ARID4B: variants seen among roughly 807,000 people sequenced by gnomAD.
ARID4B encodes AT-rich interactive domain-containing protein 4B.
ARID4B carries 26 observed loss-of-function variants against 147.5 expected under a neutral mutation model. That is an observed-to-expected ratio of 0.18 (90% CI 0.13 to 0.24). The LOEUF is 0.24. Ranked by LOEUF, ARID4B falls within the 10% of genes least tolerant of loss-of-function variation. The pLI is 1.00. For missense variants in ARID4B, 1,179 were observed against 1,511.5 expected (o/e 0.78, Z 3.65); for synonymous variants, 512 against 507.9 (o/e 1.01, Z -0.11).
intron 23 of ARID4B, among the ~76,000 whole-genome samples, chr1:235,170,535 G>A (rs942564832): frequency 8.6e-5 from 13 of 152,034 alleles, no homozygotes; most frequent in African/African-American, 3.1e-4. Flanking sequence ...TCAGGAGATC[G>A]AGACCATCCT....
At chr1:235,299,700 T>C (rs956760778) in intron 2 of ARID4B, among the ~76,000 whole-genome samples, 3 of 152,194 alleles carry the variant, frequency 2.0e-5, no homozygotes, top group African/African-American at 7.2e-5. Context: ...AGCAGTTCTC[T>C]GGAAAAGAAC....
intron 19 of ARID4B, among the ~76,000 whole-genome samples, chr1:235,184,851 C>T (rs1485781433): frequency 1.3e-5 from 2 of 152,162 alleles, no homozygotes; most frequent in Non-Finnish European, 2.9e-5. Context: ...GAATCTCACT[C>T]TGTCACCCAG....
intron 7 of ARID4B, among the ~76,000 whole-genome samples, chr1:235,242,509 T>C (rs1669053576): frequency 6.6e-6 from 1 of 152,194 alleles, no homozygotes; most frequent in Non-Finnish European, 1.5e-5. Context: ...TCATAATTAC[T>C]GCTTTCTCAA....
At chr1:235,307,034 A>G (rs901329233) in intron 2 of ARID4B, among the ~76,000 whole-genome samples, 17 of 152,214 alleles carry the variant, frequency 1.1e-4, no homozygotes, top group African/African-American at 3.4e-4. Flanking sequence ...CAGAAAAACT[A>G]CAATTGGAAA....
intron 2 of ARID4B, among the ~76,000 whole-genome samples, chr1:235,272,896 G>A (rs1445005029): frequency 6.6e-6 from 1 of 152,110 alleles, no homozygotes; most frequent in Admixed American, 6.5e-5. Context: ...GACAGAAGCA[G>A]TTCAAGAATA....
At chr1:235,310,454 C>T (rs892552545) in intron 2 of ARID4B, among the ~76,000 whole-genome samples, 6 of 152,194 alleles carry the variant, frequency 3.9e-5, no homozygotes, top group African/African-American at 1.4e-4. Context: ...AATCACTCAA[C>T]ATCTTTACAC....
intron 9 of ARID4B, 43 bp downstream of exon 9, chr1:235,234,369 TA>T: frequency 8.1e-7 from 1 of 1,239,638 alleles, no homozygotes; most frequent in Non-Finnish European, 1.2e-6. Context: ...AATAACAGCA[TA>T]TATTTATAAA....
At chr1:235,236,852 A>ATATATATGTG (rs1668624814) in intron 8 of ARID4B, among the ~76,000 whole-genome samples, 4 of 38,072 alleles carry the variant, frequency 1.1e-4, no homozygotes, top group East Asian at 1.5e-3. Context: ...ATATATATAT[A>ATATATATGTG]TATATATATA....
At chr1:235,279,980 T>C (rs916570560) in intron 2 of ARID4B, among the ~76,000 whole-genome samples, 8 of 152,214 alleles carry the variant, frequency 5.3e-5, no homozygotes, top group African/African-American at 1.9e-4. Context: ...TCTTTTCCTT[T>C]TGCTGATAAT....
intron 2 of ARID4B, among the ~76,000 whole-genome samples, chr1:235,306,692 G>A (rs1198163564): frequency 6.6e-6 from 1 of 151,880 alleles, no homozygotes; most frequent in Non-Finnish European, 1.5e-5. Context: ...CTCTCCCTCT[G>A]TCGCCCAGGC....
intron 23 of ARID4B, among the ~76,000 whole-genome samples, chr1:235,170,496 T>A (rs1453579695): frequency 6.6e-6 from 1 of 152,060 alleles, no homozygotes; most frequent in African/African-American, 2.4e-5. Flanking sequence ...CCCAGCACTT[T>A]GGGAGGACTA....
intron 22 of ARID4B, 87 bp downstream of exon 22, chr1:235,175,097 C>T: frequency 8.1e-7 from 1 of 1,231,472 alleles, no homozygotes; most frequent in Non-Finnish European, 1.2e-6. Context: ...CAGAGCGAGA[C>T]TCTGTCTCTA....
At chr1:235,251,906 C>G (rs1669668277) in intron 6 of ARID4B, among the ~76,000 whole-genome samples, 1 of 152,136 alleles carries the variant, frequency 6.6e-6, no homozygotes, top group South Asian at 2.1e-4. Context: ...TAACATCTTT[C>G]AATTTAAGGA....
chr1:235,314,079 A>C lies in ARID4B; in HGVS notation c.6+12835T>G, dbSNP rs988204211. 3.3e-5 allele frequency among the ~76,000 whole-genome samples: 5 copies of C among 152,188 alleles called. No homozygotes were observed. In the South Asian group the frequency reaches 8.3e-4, roughly 25 times the overall value. ...AAATCCTACTACATTTAGTCACCCCAAACAACCCCATGAGGCAATTACTGT... is the reference window on the plus strand; with the variant it reads ...AAATCCTACTACATTTAGTCACCCCCAACAACCCCATGAGGCAATTACTGT... On this transcript the variant is annotated intron_variant, in intron 2 of 23. Transcript: ENST00000264183.
chr1:235,256,314 T>C (rs997160005), intron 4 of ARID4B, among the ~76,000 whole-genome samples: 2 of 151,952 alleles, frequency 1.3e-5, no homozygotes, highest in Admixed American at 6.6e-5. Context: ...GCCAAAAGAA[T>C]CCTGGGAACC....
intron 8 of ARID4B, among the ~76,000 whole-genome samples, chr1:235,239,555 A>G (rs1668846963): frequency 6.6e-6 from 1 of 152,206 alleles, no homozygotes; most frequent in South Asian, 2.1e-4. Flanking sequence ...AGTCAAAGAA[A>G]ATGGTCTATA....
chr1:235,302,756 A>G (rs1376736511), intron 2 of ARID4B, among the ~76,000 whole-genome samples: 1 of 152,166 alleles, frequency 6.6e-6, no homozygotes, highest in Non-Finnish European at 1.5e-5. Flanking sequence ...AATGCTTTAC[A>G]TGGATTACCT....
chr1:235,322,579 GCTGTCCTCTT>G (rs1323298243), intron 2 of ARID4B, among the ~76,000 whole-genome samples: 2 of 152,142 alleles, frequency 1.3e-5, no homozygotes, highest in African/African-American at 4.8e-5. Context: ...CTCTGATTTA[GCTGTCCTCTT>G]CTGTCCTCTC....
chr1:235,238,041 G>A (rs958444620), intron 8 of ARID4B, among the ~76,000 whole-genome samples: 20 of 151,766 alleles, frequency 1.3e-4, no homozygotes, highest in Middle Eastern at 3.4e-3. Flanking sequence ...CTACTCGGGA[G>A]GCTGAGGCAG....
Sources: gnomAD v4.1 joint callset for allele counts (sites outside exome capture counted in the v4.1 genomes callset) on GRCh38, gnomAD v4.1.1 for gene constraint, MANE v1.5 for transcripts, NCBI Gene and HGNC (gene_info 2026-07-23, HGNC 2026-07-21) for gene names.